PSAP: variants seen among roughly 807,000 people sequenced by gnomAD.
The protein encoded by PSAP is precursor of saposins.
PSAP carries 25 observed loss-of-function variants against 66.0 expected under a neutral mutation model. The observed-to-expected ratio is 0.38, with a 90% CI of 0.28 to 0.53. The LOEUF (loss-of-function observed/expected upper bound fraction) is 0.53, where lower values mean the gene tolerates loss of function less well. Ranked by LOEUF, PSAP falls within the 20% of genes least tolerant of loss-of-function variation. The probability of loss-of-function intolerance (pLI) is 0.83; values close to 1 mark genes in which losing one functional copy is unlikely to be tolerated. For synonymous variants in PSAP, 273 were observed against 258.9 expected (o/e 1.05, Z -0.52); for missense variants, 649 against 668.8 (o/e 0.97, Z 0.33).
chr10:71,845,154 A>T (rs1310023363), intron 1 of PSAP, among the ~76,000 whole-genome samples: 1 of 152,220 alleles, frequency 6.6e-6, no homozygotes, highest in Non-Finnish European at 1.5e-5. Flanking sequence ...GCAACCCCTG[A>T]GGGTCTTGGA....
chr10:71,842,779 T>A (rs1842751852), intron 1 of PSAP, among the ~76,000 whole-genome samples: 1 of 152,102 alleles, frequency 6.6e-6, no homozygotes, highest in Admixed American at 6.5e-5. Context: ...ATTATAAAAG[T>A]CAACACTTCA....
intron 1 of PSAP, among the ~76,000 whole-genome samples, chr10:71,848,856 AAT>A (rs1842873090): frequency 2.0e-5 from 3 of 152,242 alleles, no homozygotes; most frequent in African/African-American, 7.2e-5. Flanking sequence ...ACTTTGGCCT[AAT>A]CCTAAAGGTA....
intron 1 of PSAP, among the ~76,000 whole-genome samples, chr10:71,843,836 T>C (rs958546106): frequency 6.6e-6 from 1 of 152,208 alleles, no homozygotes; most frequent in Non-Finnish European, 1.5e-5. Flanking sequence ...GCAATCTAGA[T>C]ACTGACAGTG....
chr10:71,835,677 T>C (rs960756924), intron 1 of PSAP, among the ~76,000 whole-genome samples: 1 of 152,192 alleles, frequency 6.6e-6, no homozygotes, highest in Non-Finnish European at 1.5e-5. Flanking sequence ...ATCTCACTTC[T>C]AGCCCAATTA....
chr10:71,825,839 T>A lies in PSAP; in HGVS notation c.775A>T (p.Met259Leu). 6.2e-7 allele frequency: 1 copy of A among 1,612,898 alleles called. No homozygotes were observed. The highest frequency in any genetic ancestry group is 8.5e-7 in the Non-Finnish European group (1 of 1,178,816). ...SEIAIQMMMHMQPKEICALVG... is the reference protein window; with the variant it reads ...SEIAIQMMMHLQPKEICALVG... ...CAAGGGGCCTCCGTGCCACCTACCA[T>A]GTGCATCATCATCTGGATAGCAATT... Residue 259 changes from methionine to leucine, a missense_variant and splice_region_variant, in exon 7 of 14, where the codon ATG becomes TTG. By Grantham distance (15) the Met-to-Leu change is conservative (BLOSUM62 2). Transcript: ENST00000394936.
In PSAP at chr10:71,831,159, G is replaced by C. The variant is rs1449386460; in HGVS notation, c.342C>G (p.Leu114=). Residue 114 remains leucine, a synonymous_variant, in exon 4 of 14, where the codon CTC becomes CTG. Transcript: ENST00000394936. The part of the protein sequence containing the change: ...ASCKEIVDSY[L]PVILDIIKGE... ...CTTTAATGATGTCCAGGATGACAGG[G>C]AGGTAGGAGTCCACTATCTCCTTGC... The C allele has an allele frequency of 1.7e-5, 27 of 1,614,146 alleles. No homozygotes were observed. The highest frequency in any genetic ancestry group is 2.3e-5 in the Non-Finnish European group (27 of 1,180,022).
rs552865440 is a variant in PSAP, at chr10:71,829,565, C to G, written c.376-488G>C. On this transcript the variant is annotated intron_variant, in intron 4 of 13. Coordinates refer to ENST00000394936, the MANE Select transcript of PSAP (RefSeq NM_002778.4). ...CACCATGATTTTGAGGCCCCCCCAG[C>G]CACGTGGAACTGTGAGTCCATTAAA... Among the ~76,000 whole-genome samples, 6 of 152,324 alleles carry G rather than the reference C, an allele frequency of 3.9e-5. No homozygotes were observed. The South Asian group carries it at 1.2e-3, about 32-fold the overall frequency.
At chr10:71,817,639 C>T (rs1488598755) in intron 13 of PSAP, among the ~76,000 whole-genome samples, 163 bp from the exon 14 acceptor site, 1 of 152,210 alleles carries the variant, frequency 6.6e-6, no homozygotes, top group African/African-American at 2.4e-5. Context: ...CACTTAAAAA[C>T]AGGGAACACG....
chr10:71,837,168 G>A (rs986060978), intron 1 of PSAP, among the ~76,000 whole-genome samples: 4 of 152,232 alleles, frequency 2.6e-5, no homozygotes, highest in Non-Finnish European at 4.4e-5. Flanking sequence ...TGCCTTCTTA[G>A]CAAGACACCC....
At chr10:71,850,845 G>A (rs965409601) in intron 1 of PSAP, among the ~76,000 whole-genome samples, 17 of 152,232 alleles carry the variant, frequency 1.1e-4, no homozygotes, top group Non-Finnish European at 2.2e-4. Context: ...GCTGCCCAAG[G>A]GGTCACCCTA....
intron 2 of PSAP, among the ~76,000 whole-genome samples, chr10:71,833,016 CAAA>C (rs781415981): frequency 2.0e-5 from 1 of 50,706 alleles, no homozygotes; most frequent in Non-Finnish European, 3.6e-5. Context: ...GAGTCCATCT[CAAA>C]AAAAAAAAAA....
chr10:71,835,007 T>C (rs990032263), intron 1 of PSAP, among the ~76,000 whole-genome samples: 1 of 151,444 alleles, frequency 6.6e-6, no homozygotes, highest in Admixed American at 6.6e-5. Flanking sequence ...GAGGCCAAGG[T>C]GGGTGGATCA....
intron 1 of PSAP, among the ~76,000 whole-genome samples, chr10:71,842,673 A>G (rs1842750871): frequency 6.6e-6 from 1 of 152,116 alleles, no homozygotes; most frequent in Non-Finnish European, 1.5e-5. Flanking sequence ...AGCCACCATG[A>G]ACATCTAAAT....
Position 71,828,033 on chromosome 10 carries a change from C to T in PSAP, c.701G>A (p.Gly234Asp). ...EHVKEECDRL[G>D]PGMADICKNY... ...GCTCACTATGTCGGCCATGCCAGGG[C>T]CCAGGCGGTCACACTCCTCCTTGAC... Residue 234 changes from glycine (G) to aspartate (D), a missense_variant, in exon 6 of 14, where the codon GGC (glycine) becomes GAC (aspartate). Gly to Asp is a moderately conservative substitution (Grantham distance 94). Transcript: ENST00000394936. The T allele has an allele frequency of 1.2e-6, 2 of 1,614,204 alleles. No homozygotes were observed. The highest frequency in any genetic ancestry group is 1.7e-6 in the Non-Finnish European group (2 of 1,180,038).
chr10:71,826,640 G>A (rs1189119743), intron 6 of PSAP, among the ~76,000 whole-genome samples: 1 of 152,058 alleles, frequency 6.6e-6, no homozygotes, highest in Non-Finnish European at 1.5e-5. Flanking sequence ...CTACTTGGGA[G>A]GCTGAGAAGA....
chr10:71,832,035 C>A (rs1842531500), intron 2 of PSAP, 115 bp from the exon 3 acceptor site: 1 of 1,054,118 alleles, frequency 9.5e-7, no homozygotes, highest in Non-Finnish European at 1.5e-6. Flanking sequence ...ATGATCATGA[C>A]CGCGCTCCTG....
intron 1 of PSAP, among the ~76,000 whole-genome samples, chr10:71,847,445 G>A (rs1408344377): frequency 6.6e-6 from 1 of 152,146 alleles, no homozygotes; most frequent in Non-Finnish European, 1.5e-5. Context: ...CTACTCGGGA[G>A]GCAGAGGTGG....
intron 1 of PSAP, among the ~76,000 whole-genome samples, chr10:71,840,524 G>A (rs566888363): frequency 1.3e-5 from 2 of 152,340 alleles, no homozygotes; most frequent in African/African-American, 4.8e-5. Context: ...AGTCTGCAGA[G>A]CAGAATAAAA....
chr10:71,835,821 G>GAA (rs758665607), intron 1 of PSAP, among the ~76,000 whole-genome samples: 2,686 of 49,140 alleles, frequency 0.055, 177 homozygotes, highest in East Asian at 0.12. Flanking sequence ...GTCTGAGACA[G>GAA]AAAAAAAAAA....
Sources: gnomAD v4.1 joint callset for allele counts (sites outside exome capture counted in the v4.1 genomes callset) on GRCh38, gnomAD v4.1.1 for gene constraint, MANE v1.5 for transcripts, NCBI Gene and HGNC (gene_info 2026-07-23, HGNC 2026-07-21) for gene names.